The following KCNJ12 variants were observed in gnomAD, a reference collection of about 807,000 sequenced individuals.
KCNJ12 encodes the protein potassium inwardly rectifying channel subfamily J member 12.
Under a neutral mutation model 22.3 loss-of-function variants are expected in KCNJ12, and 2 were observed. The observed-to-expected ratio is 0.09, with a 90% confidence interval of 0.04 to 0.28. KCNJ12 has a LOEUF of 0.28. KCNJ12 is among the 10% of genes least tolerant of loss of function. The pLI is 1.00. For missense variants in KCNJ12, 155 were observed against 633.3 expected (o/e 0.24, Z 8.11); for synonymous variants, 117 against 261.4 (o/e 0.45, Z 5.33).
chr17:21,404,641 C>T (rs1905824385), intron 1 of KCNJ12, among the ~76,000 whole-genome samples: 1 of 152,242 alleles, frequency 6.6e-6, no homozygotes, highest in African/African-American at 2.4e-5. Context: ...GTTCCTAGGA[C>T]TTAACGGAGC....
At chr17:21,395,996 C>T (rs1468734955) in intron 1 of KCNJ12, among the ~76,000 whole-genome samples, 4 of 152,202 alleles carry the variant, frequency 2.6e-5, no homozygotes, top group African/African-American at 7.2e-5. Flanking sequence ...TGAGCCTCTG[C>T]AGCCAGCCCA....
intron 2 of KCNJ12, among the ~76,000 whole-genome samples, chr17:21,411,517 C>T (rs1481122465): frequency 2.6e-5 from 4 of 152,426 alleles, no homozygotes; most frequent in East Asian, 3.8e-4. Context: ...CCCCTCCCGG[C>T]GACCCTGGGA....
In KCNJ12 at chr17:21,415,756, C is replaced by T. The variant is rs371084705; in HGVS notation, c.414C>T (p.Ile138=). The change falls in exon 3 of 3, where the codon ATC becomes ATT. Residue 138 remains isoleucine (I), a synonymous_variant. Coordinates refer to ENST00000583088, the MANE Select transcript of KCNJ12 (RefSeq NM_021012.5). ...TCATGGCGGCCTTCCTCTTCTCCAT[C>T]GAGACGCAGACCACCATCGGCTACG... ...HGFMAAFLFS[I]ETQTTIGYGL... 2.0e-5 allele frequency: 32 copies of T among 1,613,000 alleles called. No individual in the cohort carries two copies. The Admixed American group carries it at 2.8e-4, about 14-fold the overall frequency.
intron 1 of KCNJ12, among the ~76,000 whole-genome samples, chr17:21,382,679 A>G (rs557077650): frequency 6.6e-6 from 1 of 152,100 alleles, no homozygotes; most frequent in Non-Finnish European, 1.5e-5. Flanking sequence ...TGCCTCAGAA[A>G]AGACAGGGCT....
intron 1 of KCNJ12, among the ~76,000 whole-genome samples, chr17:21,383,072 A>C (rs1555558210): frequency 6.6e-6 from 1 of 151,928 alleles, no homozygotes; most frequent in Admixed American, 6.6e-5. Flanking sequence ...TTGGCAGGGG[A>C]GGGGCCGGGG....
At chr17:21,414,922 C>G (rs1285365690) in intron 2 of KCNJ12, among the ~76,000 whole-genome samples, 15 of 152,416 alleles carry the variant, frequency 9.8e-5, no homozygotes, top group African/African-American at 3.6e-4. Flanking sequence ...GCCATGGAGA[C>G]TGGGGGGCCA....
intron 1 of KCNJ12, among the ~76,000 whole-genome samples, chr17:21,406,082 C>T (rs1321095264): frequency 6.6e-6 from 1 of 152,290 alleles, no homozygotes; most frequent in Admixed American, 6.5e-5. Context: ...CACTTCTGGC[C>T]CCCACCCCTG....
intron 1 of KCNJ12, among the ~76,000 whole-genome samples, chr17:21,387,440 CAAAAAA>C (rs782125409): frequency 1.1e-3 from 41 of 36,526 alleles, no homozygotes; most frequent in African/African-American, 2.9e-3. Flanking sequence ...GACTCTATCT[CAAAAAA>C]AAAAAAAAAA....
intron 1 of KCNJ12, among the ~76,000 whole-genome samples, chr17:21,380,477 G>C (rs1904826560): frequency 6.6e-6 from 1 of 152,202 alleles, no homozygotes; most frequent in Non-Finnish European, 1.5e-5. Flanking sequence ...GGCAAGAGAG[G>C]CAGATGTTGC....
chr17:21,417,452 C>T lies in KCNJ12; in HGVS notation c.*808C>T, dbSNP rs1276121808. ...GTACCTTAGAGATGTGTCTCAGGGC[C>T]AGGCATGGGACCTGCCATCGAGGGT... On this transcript the variant is annotated 3_prime_UTR_variant, in exon 3 of 3. Transcript: ENST00000583088. 6.0e-6 allele frequency: 1 copy of T among 167,130 alleles called. No homozygotes were observed. Among genetic ancestry groups the T allele is most frequent in the Non-Finnish European group, 1.5e-5 (1 of 68,136 alleles). 10.4% of individuals were successfully genotyped at this position (167,130 alleles called of 1,614,324 possible).
At chr17:21,403,231 T>C (rs1248194249) in intron 1 of KCNJ12, among the ~76,000 whole-genome samples, 7 of 152,310 alleles carry the variant, frequency 4.6e-5, no homozygotes, top group African/African-American at 1.7e-4. Context: ...TCCAGAGACA[T>C]TGGAAGCCCA....
chr17:21,399,098 G>C (rs903585484), intron 1 of KCNJ12, among the ~76,000 whole-genome samples: 2 of 152,124 alleles, frequency 1.3e-5, no homozygotes, highest in Non-Finnish European at 2.9e-5. Context: ...GCAGATGCTG[G>C]CAGGAGGCTG....
intron 1 of KCNJ12, among the ~76,000 whole-genome samples, chr17:21,378,189 C>T (rs1904735783): frequency 6.6e-6 from 1 of 152,224 alleles, no homozygotes; most frequent in Non-Finnish European, 1.5e-5. Context: ...ACCCCAGCCT[C>T]CCTCGCGCTG....
chr17:21,407,776 C>T (rs61036437), intron 1 of KCNJ12, among the ~76,000 whole-genome samples: 7 of 152,226 alleles, frequency 4.6e-5, no homozygotes, highest in African/African-American at 1.7e-4. Flanking sequence ...TCCATCCATC[C>T]ATCCATCCTA....
chr17:21,376,949 G>C lies in KCNJ12; in HGVS notation c.-179+36G>C, dbSNP rs1555557337. The C allele has an allele frequency of 6.6e-6, 1 of 152,016 alleles. No individual in the cohort carries two copies. The highest frequency in any genetic ancestry group is 1.5e-5 in the Non-Finnish European group (1 of 67,948). 9.4% of individuals were successfully genotyped at this position (152,016 alleles called of 1,614,324 possible). A position where few individuals can be genotyped will look rare whatever the true frequency, so the allele number is the denominator to read the frequency against. ...GGCCGCGGGCGCATGGTCCCTCCCG[G>C]GCCCGGCCCCAGTTCCCCGCAGGCC... is the stretch of plus-strand genomic sequence containing the variant. On this transcript the variant is annotated intron_variant, in intron 1 of 2. Transcript: ENST00000583088. The surrounding 1 kb of genome is among the most constrained non-coding windows in gnomAD (Gnocchi z 5.3).
intron 1 of KCNJ12, among the ~76,000 whole-genome samples, chr17:21,388,700 G>A (rs1228682320): frequency 6.6e-6 from 1 of 152,238 alleles, no homozygotes; most frequent in African/African-American, 2.4e-5. Context: ...GGTGCCAGGC[G>A]CTGTGCTCAG....
At chr17:21,394,782 G>A (rs1406184423) in intron 1 of KCNJ12, among the ~76,000 whole-genome samples, 1 of 152,210 alleles carries the variant, frequency 6.6e-6, no homozygotes, top group Non-Finnish European at 1.5e-5. Flanking sequence ...CTGGCGTAAG[G>A]CGTTGGAGGT....
intron 1 of KCNJ12, among the ~76,000 whole-genome samples, chr17:21,381,497 C>A (rs1376647162): frequency 6.6e-6 from 1 of 152,012 alleles, no homozygotes; most frequent in Admixed American, 6.6e-5. Flanking sequence ...CACGCTCCTG[C>A]TTGCCTTGCT....
chr17:21,381,802 G>A (rs566753936), intron 1 of KCNJ12, among the ~76,000 whole-genome samples: 2 of 152,324 alleles, frequency 1.3e-5, no homozygotes, highest in South Asian at 4.1e-4. Flanking sequence ...CCTTGGAATA[G>A]GATCTCCTCT....
Sources: allele counts gnomAD v4.1 joint callset (sites outside exome capture counted in the v4.1 genomes callset), GRCh38; gene constraint gnomAD v4.1.1; non-coding constraint Gnocchi (gnomAD v3.1); transcripts MANE v1.5; gene names NCBI Gene and HGNC (gene_info 2026-07-23, HGNC 2026-07-21).